Variants in SOCS2 observed in about 807,000 individuals in gnomAD.
SOCS2 encodes CIS-2.
SOCS2 carries 10 observed loss-of-function variants against 18.6 expected under a neutral mutation model. The ratio of observed to expected loss-of-function variants is 0.54; its 90% CI spans 0.33 to 0.91. The LOEUF (loss-of-function observed/expected upper bound fraction) is 0.91, where lower values mean the gene tolerates loss of function less well. Ranked by LOEUF, SOCS2 falls within the 40% of genes least tolerant of loss-of-function variation. The probability of loss-of-function intolerance (pLI) is 0.02; values close to 1 mark genes in which losing one functional copy is unlikely to be tolerated. For synonymous variants in SOCS2, 104 were observed against 104.0 expected, an observed-to-expected ratio of 1.00 and a Z score of 0.00; for missense variants, 231 against 247.2, an observed-to-expected ratio of 0.93 and a Z score of 0.44.
At chr12:93,608,170 GTT>G in the SOCS2 span, among the ~76,000 whole-genome samples, 2,267 of 145,550 alleles carry the variant, frequency 0.016, 70 homozygotes, top group African/African-American at 0.054. Context: ...TTGTTTTTTG[GTT>G]TTTTTTTTGG....
chr12:93,573,116 G>C, intron 1 of SOCS2, 80 bp downstream of exon 1: 1 of 1,507,488 alleles, frequency 6.6e-7, no homozygotes, highest in Middle Eastern at 1.7e-4. Context: ...GTCGAGGTGG[G>C]AAGCAAAGAA....
At chr12:93,613,677 A>G in the SOCS2 span, among the ~76,000 whole-genome samples, 1 of 152,222 alleles carries the variant, frequency 6.6e-6, no homozygotes, top group Non-Finnish European at 1.5e-5. Flanking sequence ...GTGAAACGGA[A>G]CAGCATGCTG....
At chr12:93,613,101 G>A in the SOCS2 span, among the ~76,000 whole-genome samples, 5 of 152,324 alleles carry the variant, frequency 3.3e-5, no homozygotes, top group East Asian at 9.6e-4. Flanking sequence ...GTGGAGCCCT[G>A]CAAGAAAGGG....
chr12:93,598,590 T>C, the SOCS2 span, among the ~76,000 whole-genome samples: 6 of 152,252 alleles, frequency 3.9e-5, no homozygotes, highest in African/African-American at 1.4e-4. Flanking sequence ...TTGATTTATC[T>C]GTCTGGATTT....
chr12:93,619,975 A>C, the SOCS2 span, among the ~76,000 whole-genome samples: 1 of 152,232 alleles, frequency 6.6e-6, no homozygotes, highest in African/African-American at 2.4e-5. Context: ...CTATTTCTTC[A>C]TAATCTAATT....
Position 93,573,382 on chromosome 12 carries a change from G to A in SOCS2, c.139+346G>A, listed in dbSNP as rs560417123. 194 of 482,342 alleles carry A rather than the reference G, an allele frequency of 4.0e-4. 1 individual carries two copies. In the East Asian group the frequency reaches 6.0e-3, roughly 15 times the overall value. 29.9% of individuals were successfully genotyped at this position (482,342 alleles called of 1,614,324 possible). A position where few individuals can be genotyped will look rare whatever the true frequency, so the allele number is the denominator to read the frequency against. On this transcript the variant is annotated intron_variant, in intron 1 of 1. Coordinates refer to ENST00000551556, the MANE Select transcript of SOCS2 (RefSeq NM_001270471.2). ...CGTCGGGCGCCTCCCTTTGCACGGG[G>A]TGCAATCAGCAAGTCGGTGCCGCGG...
At position 93,573,000 on chromosome 12, in the gene SOCS2, C is replaced by A; in HGVS notation, c.103C>A (p.Arg35Ser). ...SAEEPSPQAARLAKALRELGQ... is the reference protein window; with the variant it reads ...SAEEPSPQAASLAKALRELGQ... ...GGAGGAGCCATCCCCGCAGGCGGCG[C>A]GTCTGGCGAAGGCCCTGCGGGAGCT... Residue 35 changes from arginine (R) to serine (S), a missense_variant, in exon 1 of 2, where the codon CGT (arginine) becomes AGT (serine). Physicochemically the swap from Arg to Ser is moderately radical, Grantham distance 110. Transcript: ENST00000551556. The surrounding 1 kb of genome is among the most constrained non-coding windows in gnomAD (Gnocchi z 5.0). The A allele has an allele frequency of 6.4e-7, 1 of 1,570,580 alleles. No individual in the cohort carries two copies. Among genetic ancestry groups the A allele is most frequent in the Admixed American group, 1.9e-5 (1 of 54,038 alleles).
chr12:93,574,688 C>G, intron 1 of SOCS2, 34 bp from the exon 2 acceptor site: 4 of 1,456,932 alleles, frequency 2.7e-6, no homozygotes, highest in Non-Finnish European at 3.7e-6. Context: ...CTGTTTTACC[C>G]TCTTTTCTTT....
chr12:93,588,615 ATTTT>A, the SOCS2 span, among the ~76,000 whole-genome samples: 1 of 141,084 alleles, frequency 7.1e-6, no homozygotes. Context: ...GAGACAGTGA[ATTTT>A]TTTTTTTTTT....
the SOCS2 span, among the ~76,000 whole-genome samples, chr12:93,593,038 C>T: frequency 0.19 from 28,219 of 151,512 alleles, 2,788 homozygotes; most frequent in East Asian, 0.26. Flanking sequence ...TCTCTGTCCC[C>T]TTATCCTGGT....
At chr12:93,595,271 T>C in the SOCS2 span, among the ~76,000 whole-genome samples, 1 of 152,214 alleles carries the variant, frequency 6.6e-6, no homozygotes, top group African/African-American at 2.4e-5. Flanking sequence ...TTTTAACTAA[T>C]TTTATGATTT....
intron 1 of SOCS2, chr12:93,574,355 T>C (rs1450005346): frequency 6.3e-6 from 1 of 157,916 alleles, no homozygotes; most frequent in African/African-American, 2.4e-5. Flanking sequence ...TTTTTTCTAA[T>C]TTACCTAAAT....
intron 1 of SOCS2, 188 bp from the exon 2 acceptor site, chr12:93,574,534 C>A: frequency 1.1e-5 from 5 of 443,796 alleles, no homozygotes; most frequent in South Asian, 1.2e-4. Context: ...TAAAATGGAC[C>A]CAAATTTTTA....
chr12:93,614,150 G>A, the SOCS2 span, among the ~76,000 whole-genome samples: 1 of 151,912 alleles, frequency 6.6e-6, no homozygotes, highest in East Asian at 1.9e-4. Context: ...CTCTCAACCA[G>A]GGTTTTGGGT....
the SOCS2 span, among the ~76,000 whole-genome samples, chr12:93,591,520 G>A: frequency 1.7e-3 from 257 of 152,324 alleles, no homozygotes; most frequent in East Asian, 0.011. Context: ...TCCTGCAGGG[G>A]CTGGCTCTAG....
the SOCS2 span, among the ~76,000 whole-genome samples, chr12:93,614,594 TCTTTCTTTC>T: frequency 8.7e-6 from 1 of 115,244 alleles, no homozygotes; most frequent in Non-Finnish European, 1.7e-5. Context: ...TTTCTTTCTT[TCTTTCTTTC>T]TTTCTTTCTT....
the SOCS2 span, among the ~76,000 whole-genome samples, chr12:93,614,771 T>G: frequency 6.6e-6 from 1 of 150,824 alleles, no homozygotes; most frequent in Non-Finnish European, 1.5e-5. Context: ...CCTGCCACCA[T>G]GCCTGGCAAA....
At chr12:93,574,110 G>A (rs1954371309) in intron 1 of SOCS2, 1 of 151,854 alleles carries the variant, frequency 6.6e-6, no homozygotes, top group Non-Finnish European at 1.5e-5. Context: ...ATAAAGCAGC[G>A]AACAGAAGCT....
chr12:93,602,400 C>G, the SOCS2 span, among the ~76,000 whole-genome samples: 20 of 152,140 alleles, frequency 1.3e-4, no homozygotes, highest in South Asian at 8.3e-4. Context: ...CTGGCCAATC[C>G]TCAGTATTTG....
Sources: allele counts gnomAD v4.1 joint callset (sites outside exome capture counted in the v4.1 genomes callset), GRCh38; gene constraint gnomAD v4.1.1; non-coding constraint Gnocchi (gnomAD v3.1); transcripts MANE v1.5; gene names NCBI Gene and HGNC (gene_info 2026-07-23, HGNC 2026-07-21).